The following PDE4D variants were observed in gnomAD, a reference collection of about 807,000 sequenced individuals.
The protein encoded by PDE4D is 3',5'-cyclic-AMP phosphodiesterase 4D.
Under a neutral mutation model 87.4 loss-of-function variants are expected in PDE4D, and 24 were observed. The ratio of observed to expected loss-of-function variants is 0.27; its 90% CI spans 0.20 to 0.39. PDE4D has a LOEUF of 0.39. PDE4D is among the 10% of genes least tolerant of loss of function. The probability of loss-of-function intolerance (pLI) is 1.00; values close to 1 mark genes in which losing one functional copy is unlikely to be tolerated. For missense variants in PDE4D, 714 were observed against 1,041.0 expected (o/e 0.69, Z 4.32); for synonymous variants, 384 against 383.2 (o/e 1.00, Z -0.02).
At chr5:59,001,153 G>C (rs1238637262) in intron 6 of PDE4D, among the ~76,000 whole-genome samples, 1 of 152,158 alleles carries the variant, frequency 6.6e-6, no homozygotes, top group African/African-American at 2.4e-5. Flanking sequence ...GTTTGGTGTA[G>C]TATTACCCTG....
At chr5:60,145,387 TG>T (rs1456092162) in intron 2 of PDE4D, among the ~76,000 whole-genome samples, 4 of 152,208 alleles carry the variant, frequency 2.6e-5, no homozygotes, top group Non-Finnish European at 4.4e-5. Flanking sequence ...TCCTGATTGC[TG>T]GGGGAGCTAT....
chr5:60,123,422 T>C (rs1778863831), intron 2 of PDE4D, among the ~76,000 whole-genome samples: 1 of 152,152 alleles, frequency 6.6e-6, no homozygotes, highest in South Asian at 2.1e-4. Flanking sequence ...AAGGTACTTC[T>C]TACACGTCAG....
At chr5:59,719,547 C>T (rs984575361) in intron 1 of PDE4D, among the ~76,000 whole-genome samples, 5 of 152,114 alleles carry the variant, frequency 3.3e-5, no homozygotes, top group Admixed American at 1.3e-4. Context: ...GAATACGTAA[C>T]AGTTAGTACT....
intron 1 of PDE4D, among the ~76,000 whole-genome samples, chr5:59,885,895 C>A (rs1226541968): frequency 1.3e-5 from 2 of 152,116 alleles, no homozygotes; most frequent in African/African-American, 4.8e-5. Flanking sequence ...ATCACTAGAC[C>A]TTTTTGGCTC....
At chr5:60,156,825 A>G (rs1240560604) in intron 2 of PDE4D, among the ~76,000 whole-genome samples, 1 of 152,092 alleles carries the variant, frequency 6.6e-6, no homozygotes, top group Non-Finnish European at 1.5e-5. Flanking sequence ...TTTCATATTA[A>G]AAAAGCTCTT....
intron 1 of PDE4D, among the ~76,000 whole-genome samples, chr5:59,252,598 T>C (rs905036835): frequency 3.9e-5 from 6 of 152,048 alleles, no homozygotes; most frequent in Middle Eastern, 3.2e-3. Flanking sequence ...CACAGCTCAC[T>C]GCAGCCTTGA....
chr5:59,863,285 T>C (rs1461300414), intron 1 of PDE4D, among the ~76,000 whole-genome samples: 6 of 152,132 alleles, frequency 3.9e-5, no homozygotes, highest in Non-Finnish European at 8.8e-5. Context: ...AATCCCAGAG[T>C]ATATTTTCCT....
chr5:60,062,485 A>G (rs1771513021), intron 2 of PDE4D, among the ~76,000 whole-genome samples: 1 of 152,190 alleles, frequency 6.6e-6, no homozygotes, highest in Admixed American at 6.5e-5. Flanking sequence ...AATTAGTTCA[A>G]CCATTGTGGA....
chr5:59,019,975 C>G (rs1022260740), intron 6 of PDE4D, among the ~76,000 whole-genome samples: 1 of 152,076 alleles, frequency 6.6e-6, no homozygotes, highest in Admixed American at 6.6e-5. Context: ...GGAGCAGATA[C>G]ATGTCATACA....
At chr5:59,154,895 A>G (rs1779941011) in intron 5 of PDE4D, among the ~76,000 whole-genome samples, 1 of 152,176 alleles carries the variant, frequency 6.6e-6, no homozygotes, top group Non-Finnish European at 1.5e-5. Flanking sequence ...TTTCAAAAAT[A>G]TATATAGACA....
chr5:59,984,262 G>C (rs1250122732), intron 3 of PDE4D, among the ~76,000 whole-genome samples: 1 of 151,942 alleles, frequency 6.6e-6, no homozygotes, highest in Non-Finnish European at 1.5e-5. Flanking sequence ...AAATTATTTA[G>C]GAGGAAAATA....
rs548766525 is a variant in PDE4D, at chr5:59,683,208, T to C, written c.455+209960A>G. ...ATGTGTATCAATAAGGAAACGTGTG[T>C]ATGGGTAGACGGATACATAGATGAT... On this transcript the variant is annotated intron_variant, in intron 1 of 14. Transcript: ENST00000340635. 2.2e-4 allele frequency among the ~76,000 whole-genome samples: 33 copies of C among 152,268 alleles called. No homozygotes were observed. The South Asian group carries it at 6.6e-3, about 31-fold the overall frequency.
chr5:59,169,435 A>G (rs1010775574), intron 5 of PDE4D, among the ~76,000 whole-genome samples: 6 of 152,130 alleles, frequency 3.9e-5, no homozygotes, highest in Non-Finnish European at 8.8e-5. Context: ...CCACAAAGGT[A>G]GATGTGATAC....
chr5:59,908,563 T>C (rs1367781941), intron 3 of PDE4D, among the ~76,000 whole-genome samples: 1 of 152,216 alleles, frequency 6.6e-6, no homozygotes, highest in Non-Finnish European at 1.5e-5. Flanking sequence ...CTCCTCAAGA[T>C]GTTCGCATAT....
chr5:60,337,382 T>TACACACACACACACACAC (rs1184568544), intron 1 of PDE4D, among the ~76,000 whole-genome samples: 3 of 116,522 alleles, frequency 2.6e-5, no homozygotes, highest in African/African-American at 1.2e-4. Flanking sequence ...TATATATATA[T>TACACACACACACACACAC]ATATATACAC....
In PDE4D at chr5:60,159,395, CTATTA is replaced by C. The variant is rs1223781304; in HGVS notation, c.42+26157_42+26161del. Among the ~76,000 whole-genome samples the C allele has an allele frequency of 4.6e-5, 7 of 152,184 alleles. No homozygotes were observed. In the Middle Eastern group the frequency reaches 0.014, roughly 298 times the overall value. ...TAAATACATAAATCAGGGACGTAAT[CTATTA>C]TATTAAGTACTTAACAGTAACACTT... On this transcript the variant is annotated intron_variant, in intron 2 of 16. Coordinates refer to the PDE4D transcript ENST00000502484.
In PDE4D at chr5:59,893,653, A is replaced by T; in HGVS notation, c.-31T>A. The T allele has an allele frequency of 6.9e-7, 1 of 1,450,780 alleles. No homozygotes were observed. The highest frequency in any genetic ancestry group is 9.0e-7 in the Non-Finnish European group (1 of 1,110,438). 89.9% of individuals were successfully genotyped at this position (1,450,780 alleles called of 1,614,324 possible). The stretch of plus-strand genomic sequence containing the variant: ...CTCGCGGCTCCGCGACCTGCTGCCC[A>T]GCCCGGGTTCACCGCGCTGGCCCGA... On this transcript the variant is annotated 5_prime_UTR_variant, in exon 1 of 15. Transcript: ENST00000340635.
intron 3 of PDE4D, among the ~76,000 whole-genome samples, chr5:59,953,576 T>A (rs1758520555): frequency 6.6e-6 from 1 of 152,174 alleles, no homozygotes; most frequent in African/African-American, 2.4e-5. Flanking sequence ...AGCTTGTAAA[T>A]CTCCATTTCC....
chr5:59,180,422 A>G, intron 5 of PDE4D, 173 bp downstream of exon 5: 1 of 726,288 alleles, frequency 1.4e-6, no homozygotes, highest in East Asian at 2.6e-5. Context: ...AATGTTCCAA[A>G]TAACAGCTTA....
Sources: allele counts gnomAD v4.1 joint callset (sites outside exome capture counted in the v4.1 genomes callset), GRCh38; gene constraint gnomAD v4.1.1; transcripts MANE v1.5; gene names NCBI Gene and HGNC (gene_info 2026-07-23, HGNC 2026-07-21).